PIP5K1B: variants seen among roughly 807,000 people sequenced by gnomAD.
The protein encoded by PIP5K1B is phosphatidylinositol-4-phosphate 5-kinase type 1 beta, also known as phosphatidylinositol 4-phosphate 5-kinase type-1 beta.
Under a neutral mutation model 67.0 loss-of-function variants are expected in PIP5K1B, and 42 were observed. The ratio of observed to expected loss-of-function variants is 0.63; its 90% CI spans 0.49 to 0.81. The LOEUF is 0.81. Among genes scored for constraint, PIP5K1B ranks in the 30% least tolerant of loss-of-function variants. PIP5K1B has a pLI of 0.00. For missense variants in PIP5K1B, 459 were observed against 646.3 expected, an observed-to-expected ratio of 0.71 and a Z score of 3.14; for synonymous variants, 214 against 231.4, an observed-to-expected ratio of 0.92 and a Z score of 0.68.
intron 1 of PIP5K1B, among the ~76,000 whole-genome samples, chr9:68,731,210 C>T (rs1397756872): frequency 3.3e-5 from 5 of 152,216 alleles, no homozygotes; most frequent in African/African-American, 1.2e-4. Flanking sequence ...AATTTAACAT[C>T]AGTTTGTGAA....
rs139843901 is a variant in PIP5K1B, at chr9:68,737,315, G to C, written c.-242-5186G>C. ...TGGCGGCATATGTCATTTGTATTTT[G>C]AGAATAGTGTTATGTTTATTTTGCT... On this transcript the variant is annotated intron_variant, in intron 1 of 15. Coordinates refer to ENST00000265382, the MANE Select transcript of PIP5K1B (RefSeq NM_003558.4). Among the ~76,000 whole-genome samples, 857 of 152,324 alleles carry C rather than the reference G, an allele frequency of 5.6e-3. 4 individuals are homozygous for C. The highest frequency in any genetic ancestry group is 8.8e-3 in the Non-Finnish European group (600 of 68,028).
At position 68,714,211 on chromosome 9, in the gene PIP5K1B, A is replaced by G. The variant is rs1049503081; in HGVS notation, c.-243+8449A>G. On this transcript the variant is annotated intron_variant, in intron 1 of 15. Transcript: ENST00000265382. ...AGGCACCTCAAATTCTACATGTTCA[A>G]AACCAGAATCATGATCTGTTTTCTC... is the stretch of plus-strand genomic sequence containing the variant. 5.3e-5 allele frequency among the ~76,000 whole-genome samples: 8 copies of G among 152,356 alleles called. No individual in the cohort carries two copies. The East Asian group carries it at 1.5e-3, about 29-fold the overall frequency.
At chr9:68,913,166 C>T (rs1362513292) in intron 8 of PIP5K1B, among the ~76,000 whole-genome samples, 1 of 152,206 alleles carries the variant, frequency 6.6e-6, no homozygotes, top group Non-Finnish European at 1.5e-5. Context: ...TTCCAACTTG[C>T]TTTCAGTTTT....
chr9:68,920,759 G>T (rs777845038), intron 11 of PIP5K1B, among the ~76,000 whole-genome samples: 1 of 140,252 alleles, frequency 7.1e-6, no homozygotes, highest in African/African-American at 3.0e-5. Context: ...CTCCCATTCC[G>T]TCTCTGTCTC....
intron 4 of PIP5K1B, among the ~76,000 whole-genome samples, chr9:68,857,730 G>A (rs1310565216): frequency 6.6e-6 from 1 of 152,154 alleles, no homozygotes; most frequent in Admixed American, 6.5e-5. Flanking sequence ...AGCCAGGCAT[G>A]GTAGCATACA....
At chr9:68,982,157 G>A (rs931295653) in intron 14 of PIP5K1B, among the ~76,000 whole-genome samples, 2 of 152,190 alleles carry the variant, frequency 1.3e-5, no homozygotes, top group Non-Finnish European at 2.9e-5. Flanking sequence ...ATTTGCTGCT[G>A]TAACTGGATC....
intron 14 of PIP5K1B, among the ~76,000 whole-genome samples, chr9:68,946,961 G>A (rs1394659966): frequency 6.6e-6 from 1 of 152,198 alleles, no homozygotes; most frequent in Non-Finnish European, 1.5e-5. Flanking sequence ...ATAACAATTA[G>A]AAAGCATTTA....
At chr9:68,924,046 A>T (rs1004781183) in intron 12 of PIP5K1B, among the ~76,000 whole-genome samples, 2 of 151,878 alleles carry the variant, frequency 1.3e-5, no homozygotes, top group African/African-American at 4.8e-5. Flanking sequence ...AACATACCAA[A>T]AATTTATGGG....
At chr9:68,963,101 G>A in intron 14 of PIP5K1B, 3 of 454,532 alleles carry the variant, frequency 6.6e-6, no homozygotes, top group East Asian at 7.0e-5. Context: ...CCTTTCCAAA[G>A]CATCACAGCC....
At chr9:68,973,970 C>T (rs1405987759) in intron 14 of PIP5K1B, among the ~76,000 whole-genome samples, 4 of 152,278 alleles carry the variant, frequency 2.6e-5, no homozygotes, top group South Asian at 2.1e-4. Flanking sequence ...CTTCACCTCC[C>T]GGGCTCAAGC....
chr9:68,789,241 G>A (rs77944091), intron 2 of PIP5K1B: 27,317 of 469,416 alleles, frequency 0.058, 1,361 homozygotes, highest in East Asian at 0.22. Flanking sequence ...ACAACTGTTC[G>A]AAGGATAGTG....
At chr9:68,904,486 A>C (rs917717951) in intron 8 of PIP5K1B, among the ~76,000 whole-genome samples, 9 of 152,238 alleles carry the variant, frequency 5.9e-5, no homozygotes, top group Admixed American at 4.6e-4. Context: ...TAAATAATCC[A>C]AACATTTAAT....
intron 2 of PIP5K1B, among the ~76,000 whole-genome samples, chr9:68,775,919 C>CACA: frequency 6.6e-6 from 1 of 152,066 alleles, no homozygotes; most frequent in South Asian, 2.1e-4. Context: ...AGCTATTACA[C>CACA]ATAATAATAA....
chr9:68,894,740 C>T, intron 8 of PIP5K1B, 102 bp downstream of exon 8: 3 of 1,102,252 alleles, frequency 2.7e-6, no homozygotes, highest in Non-Finnish European at 4.0e-6. Flanking sequence ...TCCAAAGTGG[C>T]AGACATGTGG....
chr9:68,767,949 AC>A (rs1219864613), intron 2 of PIP5K1B, among the ~76,000 whole-genome samples: 4 of 152,130 alleles, frequency 2.6e-5, no homozygotes, highest in Non-Finnish European at 4.4e-5. Context: ...AACAAAAAAA[AC>A]TGACACACAT....
intron 5 of PIP5K1B, among the ~76,000 whole-genome samples, chr9:68,871,903 G>T (rs1294691524): frequency 2.1e-5 from 1 of 46,666 alleles, no homozygotes; most frequent in Non-Finnish European, 5.1e-5. Flanking sequence ...GTCAGTTGTC[G>T]GGTGTTTTTT....
chr9:68,752,088 C>G (rs1186975012), intron 2 of PIP5K1B, among the ~76,000 whole-genome samples: 1 of 151,960 alleles, frequency 6.6e-6, no homozygotes, highest in Non-Finnish European at 1.5e-5. Context: ...TGCTTGTTTT[C>G]TCGTTTATAA....
At chr9:68,949,658 T>G (rs750736460) in intron 14 of PIP5K1B, among the ~76,000 whole-genome samples, 2 of 152,142 alleles carry the variant, frequency 1.3e-5, no homozygotes, top group Non-Finnish European at 2.9e-5. Flanking sequence ...CTTAAAGGTG[T>G]TAAAAGAAAA....
intron 4 of PIP5K1B, among the ~76,000 whole-genome samples, chr9:68,848,536 T>G (rs1798526566): frequency 6.6e-6 from 1 of 152,230 alleles, no homozygotes; most frequent in Non-Finnish European, 1.5e-5. Context: ...AGTATATATT[T>G]AATTGTGAAT....
Sources: allele counts gnomAD v4.1 joint callset (sites outside exome capture counted in the v4.1 genomes callset), GRCh38; gene constraint gnomAD v4.1.1; transcripts MANE v1.5; gene names NCBI Gene and HGNC (gene_info 2026-07-23, HGNC 2026-07-21).